The following ABCC1 variants were observed in gnomAD, a reference collection of about 807,000 sequenced individuals.
The protein encoded by ABCC1 is ATP binding cassette subfamily C member 1 (ABCC1 blood group).
Under a neutral mutation model 172.9 loss-of-function variants are expected in ABCC1, and 83 were observed. The observed-to-expected ratio is 0.48, with a 90% CI of 0.40 to 0.58. The LOEUF (loss-of-function observed/expected upper bound fraction) is 0.58. ABCC1 is among the 20% of genes least tolerant of loss of function. ABCC1 has a pLI of 0.00. For missense variants in ABCC1, 1,817 were observed against 2,002.7 expected (o/e 0.91, Z 1.77); for synonymous variants, 937 against 825.2 (o/e 1.14, Z -2.32).
rs566435140 is a variant in ABCC1, at chr16:16,004,624, ATCTC to A, written c.49-3190_49-3187del. Among the ~76,000 whole-genome samples, 54 of 148,708 alleles carry A rather than the reference ATCTC, an allele frequency of 3.6e-4. 1 individual carries two copies. The East Asian group carries it at 6.5e-3, about 18-fold the overall frequency. On this transcript the variant is annotated intron_variant, in intron 1 of 30. Coordinates refer to ENST00000399410, the MANE Select transcript of ABCC1 (RefSeq NM_004996.4). ...TTGTGTCTTGATGTTTCCTGGCTAA[ATCTC>A]TTTGTATGTGTTGGCCTTGTAAGGT...
chr16:16,060,649 C>T (rs559089144), intron 12 of ABCC1, among the ~76,000 whole-genome samples: 41 of 151,806 alleles, frequency 2.7e-4, no homozygotes, highest in African/African-American at 9.4e-4. Context: ...AGTCCCCCGA[C>T]TAGCTGGGAT....
At position 16,103,566 on chromosome 16, in the gene ABCC1, C is replaced by G. The variant is rs189626119; in HGVS notation, c.2735+849C>G. On this transcript the variant is annotated intron_variant, in intron 20 of 30. Transcript: ENST00000399410. ...TGGCACTCCAGCCTGGGTGACAGAG[C>G]GAGACTCCATCTCAAAAAACAAAAA... 7.3e-3 allele frequency among the ~76,000 whole-genome samples: 1,110 copies of G among 152,130 alleles called. 16 individuals are homozygous for G. Among genetic ancestry groups the G allele is most frequent in the Non-Finnish European group, 8.6e-3 (586 of 67,988 alleles).
chr16:16,109,152 C>G (rs1405807794), intron 21 of ABCC1, among the ~76,000 whole-genome samples: 1 of 152,146 alleles, frequency 6.6e-6, no homozygotes, highest in Non-Finnish European at 1.5e-5. Context: ...TACCTTTCAG[C>G]TAGACCGTAG....
intron 13 of ABCC1, among the ~76,000 whole-genome samples, chr16:16,071,051 A>G (rs917619448): frequency 3.9e-5 from 6 of 151,958 alleles, no homozygotes; most frequent in Admixed American, 6.6e-5. Flanking sequence ...CTTTTCCACC[A>G]GGCCTCTGCC....
At chr16:16,064,596 T>A (rs903869961) in intron 12 of ABCC1, among the ~76,000 whole-genome samples, 5 of 152,236 alleles carry the variant, frequency 3.3e-5, no homozygotes, top group Admixed American at 2.0e-4. Context: ...CCAAGGGGGC[T>A]GGTACGTTTT....
At chr16:16,010,756 G>T (rs1211686288) in intron 3 of ABCC1, among the ~76,000 whole-genome samples, 1 of 152,136 alleles carries the variant, frequency 6.6e-6, no homozygotes, top group Non-Finnish European at 1.5e-5. Flanking sequence ...GTCCTGCTTT[G>T]TTCCCATCTT....
chr16:16,104,952 G>T (rs1043567400), intron 20 of ABCC1, among the ~76,000 whole-genome samples: 2 of 152,176 alleles, frequency 1.3e-5, no homozygotes, highest in African/African-American at 2.4e-5. Context: ...CGCCCACCCA[G>T]AACTAGCGCT....
chr16:16,049,756 T>C (rs1422848513), intron 10 of ABCC1, among the ~76,000 whole-genome samples: 3 of 152,186 alleles, frequency 2.0e-5, no homozygotes, highest in African/African-American at 7.2e-5. Flanking sequence ...CCATCTTGGC[T>C]CGCTGCAACC....
At chr16:16,027,755 A>G (rs1056940380) in intron 5 of ABCC1, among the ~76,000 whole-genome samples, 6 of 152,046 alleles carry the variant, frequency 3.9e-5, no homozygotes, top group Admixed American at 1.3e-4. Flanking sequence ...CGAGGCTGCA[A>G]AGAGCTATGA....
At chr16:16,126,686 G>A (rs1003107519) in intron 26 of ABCC1, among the ~76,000 whole-genome samples, 10 of 152,086 alleles carry the variant, frequency 6.6e-5, no homozygotes, top group South Asian at 6.2e-4. Context: ...CGCCTGGCCT[G>A]TTATGTATTT....
chr16:16,117,117 G>A (rs2044917391), intron 23 of ABCC1, among the ~76,000 whole-genome samples: 1 of 152,176 alleles, frequency 6.6e-6, no homozygotes, highest in Non-Finnish European at 1.5e-5. Flanking sequence ...CCGAAACCAT[G>A]TGTGTTAGTT....
rs1218767207 is a variant in ABCC1 at position 15,996,635 on chromosome 16, T to G, written c.49-11181T>G. Among the ~76,000 whole-genome samples the G allele has an allele frequency of 1.3e-5, 2 of 151,942 alleles. 1 individual carries two copies. Among genetic ancestry groups the G allele is most frequent in the Admixed American group, 1.3e-4 (2 of 15,250 alleles). On this transcript the variant is annotated intron_variant, in intron 1 of 30. Coordinates refer to ENST00000399410, the MANE Select transcript of ABCC1 (RefSeq NM_004996.4). The stretch of plus-strand genomic sequence containing the variant: ...GTCCCTGGCAGGGCTGCATGCGTTA[T>G]CCCTGCAGGCCTGCTTGCCTTATCC...
At chr16:16,090,169 G>C (rs904529158) in intron 18 of ABCC1, among the ~76,000 whole-genome samples, 1 of 152,150 alleles carries the variant, frequency 6.6e-6, no homozygotes, top group African/African-American at 2.4e-5. Context: ...CCCTTCCCCA[G>C]CTTTTAGCTC....
intron 27 of ABCC1, among the ~76,000 whole-genome samples, chr16:16,133,605 T>C (rs1441638104): frequency 6.6e-6 from 1 of 152,090 alleles, no homozygotes; most frequent in Non-Finnish European, 1.5e-5. Flanking sequence ...GGTTTTACCA[T>C]GTTGGCCAGG....
intron 19 of ABCC1, chr16:16,095,267 T>C (rs2051425364): frequency 6.6e-6 from 1 of 152,248 alleles, no homozygotes; most frequent in Non-Finnish European, 1.5e-5. Flanking sequence ...TTTAAAAAAA[T>C]GGCTCATTAA....
intron 21 of ABCC1, among the ~76,000 whole-genome samples, chr16:16,108,534 G>A (rs2052242550): frequency 6.6e-6 from 1 of 150,756 alleles, no homozygotes; most frequent in Non-Finnish European, 1.5e-5. Flanking sequence ...CTCCCAAAGA[G>A]CTGGTGCTGG....
In ABCC1 at chr16:16,083,511, C is replaced by G. The variant is rs780493659; in HGVS notation, c.2261C>G (p.Pro754Arg). 6.2e-7 allele frequency: 1 copy of G among 1,613,638 alleles called. No homozygotes were observed. Among genetic ancestry groups the G allele is most frequent in the Non-Finnish European group, 8.5e-7 (1 of 1,179,890 alleles). The change falls in exon 17 of 31, where the codon CCC (proline) becomes CGC (arginine). Residue 754 changes from proline to arginine, a missense_variant. Coordinates refer to ENST00000399410, the MANE Select transcript of ABCC1 (RefSeq NM_004996.4). ...CTCCTCCCAGACCTGGAAATCCTGCCCAGTGGGGATCGGACAGAGATTGGC... is the reference window on the plus strand; with the variant it reads ...CTCCTCCCAGACCTGGAAATCCTGCGCAGTGGGGATCGGACAGAGATTGGC... ...CALLPDLEILPSGDRTEIGEK... is the reference protein window; with the variant it reads ...CALLPDLEILRSGDRTEIGEK...
chr16:16,094,531 T>C (rs2152032830), intron 19 of ABCC1: 1 of 154,826 alleles, frequency 6.5e-6, no homozygotes, highest in Admixed American at 6.5e-5. Context: ...TTCTTTTTTT[T>C]GAGACGGAGT....
intron 7 of ABCC1, among the ~76,000 whole-genome samples, chr16:16,040,337 G>A (rs1332689484): frequency 6.6e-6 from 1 of 151,676 alleles, no homozygotes; most frequent in African/African-American, 2.4e-5. Flanking sequence ...GCTTAGGCTG[G>A]AGTGCAGTGG....
Sources: allele counts gnomAD v4.1 joint callset (sites outside exome capture counted in the v4.1 genomes callset), GRCh38; gene constraint gnomAD v4.1.1; transcripts MANE v1.5; gene names NCBI Gene and HGNC (gene_info 2026-07-23, HGNC 2026-07-21).